HTR7: variants seen among roughly 807,000 people sequenced by gnomAD.
HTR7 encodes 5-hydroxytryptamine receptor 7, also known as 5-HT-7.
HTR7 carries 16 observed loss-of-function variants against 34.0 expected under a neutral mutation model. The ratio of observed to expected loss-of-function variants is 0.47; its 90% confidence interval spans 0.32 to 0.71. The LOEUF (loss-of-function observed/expected upper bound fraction) is 0.71. HTR7 is among the 30% of genes least tolerant of loss of function. The pLI is 0.04. For missense variants in HTR7, 504 were observed against 625.5 expected (o/e 0.81, Z 2.07); for synonymous variants, 265 against 260.2 (o/e 1.02, Z -0.18).
At chr10:90,852,150 G>A (rs1162228492) in intron 1 of HTR7, among the ~76,000 whole-genome samples, 1 of 149,412 alleles carries the variant, frequency 6.7e-6, no homozygotes, top group Non-Finnish European at 1.5e-5. Flanking sequence ...CTTGAGGCCG[G>A]GAGTTCAAGA....
chr10:90,844,948 C>T (rs767429004), intron 1 of HTR7, among the ~76,000 whole-genome samples: 5 of 151,908 alleles, frequency 3.3e-5, no homozygotes, highest in Non-Finnish European at 7.4e-5. Flanking sequence ...CAGGGTTGTG[C>T]ACCCCGCATT....
chr10:90,818,205 G>A (rs1458728634), intron 1 of HTR7, among the ~76,000 whole-genome samples: 3 of 152,210 alleles, frequency 2.0e-5, no homozygotes, highest in East Asian at 1.9e-4. Context: ...CTTTATTAAC[G>A]TAACATTGTT....
At chr10:90,777,400 G>C (rs1845235353) in intron 1 of HTR7, among the ~76,000 whole-genome samples, 2 of 150,382 alleles carry the variant, frequency 1.3e-5, no homozygotes, top group Non-Finnish European at 2.9e-5. Context: ...AGAATTGCTT[G>C]AACCTGGGAG....
At chr10:90,825,867 T>C (rs1201269335) in intron 1 of HTR7, among the ~76,000 whole-genome samples, 2 of 151,810 alleles carry the variant, frequency 1.3e-5, no homozygotes, top group African/African-American at 4.8e-5. Flanking sequence ...GACTAGAAAA[T>C]AGCATGAAAG....
At chr10:90,835,250 G>A (rs1460414611) in intron 1 of HTR7, among the ~76,000 whole-genome samples, 2 of 152,192 alleles carry the variant, frequency 1.3e-5, no homozygotes, top group African/African-American at 4.8e-5. Context: ...TGCTGGAGAT[G>A]TTCATATAAT....
At position 90,748,873 on chromosome 10, in the gene HTR7, G is replaced by A. The variant is rs1268448975; in HGVS notation, c.1261C>T (p.Leu421Phe). Residue 421 changes from leucine to phenylalanine, a missense_variant, in exon 2 of 4, where the codon CTT becomes TTT. Leu to Phe is a conservative substitution (Grantham distance 22). Around this residue, in one of 4 missense-constraint regions of HTR7, gnomAD observed 154 missense variants for 212.1 expected, o/e 0.73. Coordinates refer to ENST00000336152, the MANE Select transcript of HTR7 (RefSeq NM_019859.4). ...TCAGGTCTCTCTGGCCTCTCAGCAA[G>A]CTTCAGGGCTTCATGCATGCCTGCA... ...SAAGMHEALK[L>F]AERPERPEFV... 1.2e-6 allele frequency: 2 copies of A among 1,614,064 alleles called. No homozygotes were observed. Among genetic ancestry groups the A allele is most frequent in the South Asian group, 1.1e-5 (1 of 91,062 alleles).
At chr10:90,774,215 A>C (rs1845167150) in intron 1 of HTR7, among the ~76,000 whole-genome samples, 1 of 152,236 alleles carries the variant, frequency 6.6e-6, no homozygotes, top group Non-Finnish European at 1.5e-5. Flanking sequence ...TTTTTACAGA[A>C]TTGAACTCCA....
At chr10:90,811,841 C>T (rs1214494683) in intron 1 of HTR7, among the ~76,000 whole-genome samples, 1 of 152,112 alleles carries the variant, frequency 6.6e-6, no homozygotes, top group Non-Finnish European at 1.5e-5. Context: ...AGAAGGCCAC[C>T]GTAGTCATTT....
intron 1 of HTR7, among the ~76,000 whole-genome samples, chr10:90,853,287 C>CTTTTTTTTTT (rs35477812): frequency 1.8e-5 from 2 of 110,050 alleles, no homozygotes; most frequent in African/African-American, 7.5e-5. Flanking sequence ...TTTTTTTTTT[C>CTTTTTTTTTT]TTTTTTTTTT....
At chr10:90,764,555 T>A (rs1249708524) in intron 1 of HTR7, among the ~76,000 whole-genome samples, 2 of 152,152 alleles carry the variant, frequency 1.3e-5, no homozygotes, top group African/African-American at 4.8e-5. Context: ...TTGGTACAGT[T>A]TTTTTTCAGT....
intron 1 of HTR7, among the ~76,000 whole-genome samples, chr10:90,751,010 G>A (rs1053037035): frequency 4.6e-5 from 7 of 152,184 alleles, no homozygotes; most frequent in Non-Finnish European, 1.0e-4. Context: ...AGATGAAGGG[G>A]AAAACCTGAG....
intron 1 of HTR7, among the ~76,000 whole-genome samples, chr10:90,810,056 A>G (rs914007754): frequency 5.9e-5 from 9 of 152,186 alleles, no homozygotes; most frequent in Non-Finnish European, 1.3e-4. Flanking sequence ...CCTTGCCTCC[A>G]TAACTGTTGT....
intron 1 of HTR7, among the ~76,000 whole-genome samples, chr10:90,752,798 G>A (rs1193020371): frequency 6.6e-6 from 1 of 152,060 alleles, no homozygotes; most frequent in African/African-American, 2.4e-5. Context: ...CAGCAATTGA[G>A]GTAAAAGTAT....
intron 1 of HTR7, among the ~76,000 whole-genome samples, chr10:90,785,027 C>G (rs915375388): frequency 2.8e-4 from 43 of 152,194 alleles, no homozygotes; most frequent in African/African-American, 9.6e-4. Flanking sequence ...CAGAAAGACT[C>G]TCTGATCTCA....
chr10:90,777,725 GC>G (rs1209491289), intron 1 of HTR7, among the ~76,000 whole-genome samples: 1 of 152,178 alleles, frequency 6.6e-6, no homozygotes, highest in Non-Finnish European at 1.5e-5. Context: ...TGAAAGCATT[GC>G]TATCCTAAAC....
intron 2 of HTR7, among the ~76,000 whole-genome samples, chr10:90,748,322 C>T (rs1844671545): frequency 6.6e-6 from 1 of 152,080 alleles, no homozygotes; most frequent in Non-Finnish European, 1.5e-5. Flanking sequence ...AAGACCTTGC[C>T]TCATCCTGGC....
chr10:90,799,476 A>G (rs1005630970), intron 1 of HTR7, among the ~76,000 whole-genome samples: 12 of 152,160 alleles, frequency 7.9e-5, no homozygotes, highest in Non-Finnish European at 1.6e-4. Flanking sequence ...ATCTGTCTGC[A>G]TTAGATCAAA....
At chr10:90,784,298 G>A (rs1021532218) in intron 1 of HTR7, among the ~76,000 whole-genome samples, 1 of 152,152 alleles carries the variant, frequency 6.6e-6, no homozygotes, top group Non-Finnish European at 1.5e-5. Flanking sequence ...TGAAGCTCAA[G>A]TATTGGGGTT....
chr10:90,857,162 G>C lies in HTR7; in HGVS notation c.510C>G (p.Ile170Met). ...AMDVMCCTAS[I>M]MTLCVISIDR... ...CAATGCTGATCACGCACAGGGTCAT[G>C]ATCGAGGCCGTGCAGCACATGACGT... Residue 170 changes from isoleucine (I) to methionine (M), a missense_variant, in exon 1 of 4, where the codon ATC becomes ATG. Ile to Met is a conservative substitution (Grantham distance 10, BLOSUM62 1). This residue lies in a region of HTR7 where 154 missense variants were observed against 248.8 expected (regional missense o/e 0.62). Coordinates refer to ENST00000336152, the MANE Select transcript of HTR7 (RefSeq NM_019859.4). The surrounding 1 kb of genome is among the most constrained non-coding windows in gnomAD (Gnocchi z 6.5). 1 of 1,609,826 alleles carries C rather than the reference G, an allele frequency of 6.2e-7. No individual in the cohort carries two copies. Among genetic ancestry groups the C allele is most frequent in the Non-Finnish European group, 8.5e-7 (1 of 1,177,748 alleles).
Sources: gnomAD v4.1 joint callset for allele counts (sites outside exome capture counted in the v4.1 genomes callset) on GRCh38, gnomAD v4.1.1 for gene constraint, gnomAD v4.1.1 regional missense constraint, Gnocchi (gnomAD v3.1) non-coding constraint, MANE v1.5 for transcripts, NCBI Gene and HGNC (gene_info 2026-07-23, HGNC 2026-07-21) for gene names.